The following RPTOR variants were observed in gnomAD, a reference collection of about 807,000 sequenced individuals.
RPTOR encodes regulatory associated protein of MTOR complex 1.
Under a neutral mutation model 169.9 loss-of-function variants are expected in RPTOR, and 21 were observed. The ratio of observed to expected loss-of-function variants is 0.12; its 90% CI spans 0.09 to 0.18. The LOEUF (loss-of-function observed/expected upper bound fraction) is 0.18. Ranked by LOEUF, RPTOR falls within the 10% of genes least tolerant of loss-of-function variation. The pLI, the probability that RPTOR is intolerant of heterozygous loss-of-function variation, is 1.00. For synonymous variants in RPTOR, 732 were observed against 753.2 expected, an observed-to-expected ratio of 0.97 and a Z score of 0.46; for missense variants, 1,133 against 1,855.9, an observed-to-expected ratio of 0.61 and a Z score of 7.16.
At chr17:80,672,572 C>T (rs567184357) in intron 3 of RPTOR, among the ~76,000 whole-genome samples, 12 of 152,138 alleles carry the variant, frequency 7.9e-5, no homozygotes, top group Non-Finnish European at 4.4e-5. Context: ...GGGCAGATCA[C>T]GAAGTCAGGA....
chr17:80,736,561 G>A (rs747703621), intron 5 of RPTOR, among the ~76,000 whole-genome samples: 8 of 152,118 alleles, frequency 5.3e-5, no homozygotes, highest in Non-Finnish European at 1.0e-4. Flanking sequence ...AATGACTAAC[G>A]TCTAGAATCT....
chr17:80,802,597 A>C (rs2067172245), intron 7 of RPTOR: 1 of 152,494 alleles, frequency 6.6e-6, no homozygotes, highest in South Asian at 2.1e-4. Context: ...CATCTCAAAA[A>C]AAAAAAAAGA....
At chr17:80,666,180 A>G (rs2065777632) in intron 3 of RPTOR, among the ~76,000 whole-genome samples, 1 of 150,282 alleles carries the variant, frequency 6.7e-6, no homozygotes, top group Non-Finnish European at 1.5e-5. Flanking sequence ...GGTTTGCCAA[A>G]ATAAATTATG....
At chr17:80,862,624 C>T (rs575262515) in intron 13 of RPTOR, among the ~76,000 whole-genome samples, 5 of 146,888 alleles carry the variant, frequency 3.4e-5, no homozygotes, top group Admixed American at 6.6e-5. Flanking sequence ...ATGTCTGCTC[C>T]GCCCCCTCCT....
At chr17:80,953,650 G>T (rs1371568775) in intron 28 of RPTOR, among the ~76,000 whole-genome samples, 1 of 152,238 alleles carries the variant, frequency 6.6e-6, no homozygotes, top group African/African-American at 2.4e-5. Context: ...TCACCCAGAC[G>T]CCACTTCCCA....
chr17:80,740,880 CACTGTT>C (rs1281214521), intron 5 of RPTOR, among the ~76,000 whole-genome samples: 2 of 152,214 alleles, frequency 1.3e-5, no homozygotes, highest in African/African-American at 2.4e-5. Flanking sequence ...CCATTCTTAT[CACTGTT>C]ATTCAACAGA....
chr17:80,735,325 T>C (rs951434316), intron 5 of RPTOR, among the ~76,000 whole-genome samples: 1 of 152,230 alleles, frequency 6.6e-6, no homozygotes, highest in Non-Finnish European at 1.5e-5. Flanking sequence ...ATGTTCTTGA[T>C]AAGTCTGCCA....
At chr17:80,640,833 G>C (rs934344333) in intron 2 of RPTOR, among the ~76,000 whole-genome samples, 1 of 152,192 alleles carries the variant, frequency 6.6e-6, no homozygotes, top group African/African-American at 2.4e-5. Context: ...GTTCACTGGA[G>C]AGCATGCATA....
At chr17:80,949,588 C>A in intron 28 of RPTOR, 41 bp downstream of exon 28, 2 of 1,534,034 alleles carry the variant, frequency 1.3e-6, no homozygotes, top group Non-Finnish European at 1.8e-6. Flanking sequence ...AATGTGTTCC[C>A]GGGGCTGCGG....
At chr17:80,777,500 C>T (rs972314587) in intron 6 of RPTOR, among the ~76,000 whole-genome samples, 3 of 151,796 alleles carry the variant, frequency 2.0e-5, no homozygotes, top group South Asian at 4.2e-4. Context: ...ATCTCCCTAA[C>T]GACTAATGAC....
intron 6 of RPTOR, among the ~76,000 whole-genome samples, chr17:80,790,961 C>T (rs1048425535): frequency 3.3e-5 from 5 of 152,184 alleles, no homozygotes; most frequent in African/African-American, 1.2e-4. Flanking sequence ...GATGGACCTG[C>T]GTCAGACATG....
At chr17:80,897,996 G>A (rs978035573) in intron 20 of RPTOR, among the ~76,000 whole-genome samples, 3 of 152,162 alleles carry the variant, frequency 2.0e-5, no homozygotes, top group Admixed American at 6.6e-5. Context: ...CCCTGTCCTC[G>A]GGGGCAATTT....
At chr17:80,796,968 A>G (rs1201179503) in intron 7 of RPTOR, among the ~76,000 whole-genome samples, 1 of 152,228 alleles carries the variant, frequency 6.6e-6, no homozygotes, top group Non-Finnish European at 1.5e-5. Flanking sequence ...CACAGCTGCC[A>G]TTAGCTCTAT....
chr17:80,706,736 C>A lies in RPTOR; in HGVS notation c.349-1105C>A, dbSNP rs574946335. The stretch of plus-strand genomic sequence containing the variant: ...GGCCCTTCGTCCCTGTTTGTTTTTC[C>A]CTGTGACCTTCAGTAGCAGCTTAGC... On this transcript the variant is annotated intron_variant, in intron 3 of 33. Transcript: ENST00000306801. Among the ~76,000 whole-genome samples, 5 of 152,280 alleles carry A rather than the reference C, an allele frequency of 3.3e-5. No homozygotes were observed. In the South Asian group the frequency reaches 1.0e-3, roughly 32 times the overall value.
chr17:80,893,598 G>A (rs2068361282), intron 19 of RPTOR, 109 bp from the exon 20 acceptor site: 3 of 1,410,986 alleles, frequency 2.1e-6, no homozygotes, highest in Non-Finnish European at 1.9e-6. Flanking sequence ...GTGCCTGGGT[G>A]TGCTGAGCTT....
chr17:80,863,333 T>C (rs1040777476), intron 13 of RPTOR, among the ~76,000 whole-genome samples: 4 of 152,026 alleles, frequency 2.6e-5, no homozygotes, highest in African/African-American at 9.7e-5. Context: ...ACACTCCACT[T>C]CACACTACCA....
intron 13 of RPTOR, among the ~76,000 whole-genome samples, chr17:80,858,831 G>A (rs1029795319): frequency 1.3e-5 from 2 of 152,218 alleles, no homozygotes; most frequent in Non-Finnish European, 2.9e-5. Flanking sequence ...CCCCATCCAC[G>A]CAGACGGTGC....
intron 6 of RPTOR, among the ~76,000 whole-genome samples, chr17:80,776,960 C>T (rs987777781): frequency 1.3e-4 from 19 of 151,848 alleles, no homozygotes; most frequent in Non-Finnish European, 2.1e-4. Flanking sequence ...AGGGGGAGGC[C>T]GGGCGTGGTG....
At chr17:80,650,496 A>C (rs545068113) in intron 3 of RPTOR, among the ~76,000 whole-genome samples, 1 of 151,936 alleles carries the variant, frequency 6.6e-6, no homozygotes, top group Admixed American at 6.6e-5. Context: ...CCTTTCTACC[A>C]GTGCACTGAG....
Sources: allele counts gnomAD v4.1 joint callset (sites outside exome capture counted in the v4.1 genomes callset), GRCh38; gene constraint gnomAD v4.1.1; transcripts MANE v1.5; gene names NCBI Gene and HGNC (gene_info 2026-07-23, HGNC 2026-07-21).